Variants in VWA8 observed in about 807,000 individuals in gnomAD.
VWA8 encodes von Willebrand factor A domain containing 8.
A neutral mutation model predicts 241.5 loss-of-function variants in VWA8; 221 were observed. That is an observed-to-expected ratio of 0.91 (90% CI 0.82 to 1.02). The LOEUF (loss-of-function observed/expected upper bound fraction) is 1.02, where lower values mean the gene tolerates loss of function less well. Among genes scored for constraint, VWA8 ranks in the 50% least tolerant of loss-of-function variants. VWA8 has a pLI of 0.00. For missense variants in VWA8, 2,322 were observed against 2,328.7 expected (o/e 1.00, Z 0.06); for synonymous variants, 852 against 827.1 (o/e 1.03, Z -0.52).
chr13:41,861,154 T>C (rs181096071), intron 12 of VWA8, among the ~76,000 whole-genome samples: 39 of 152,124 alleles, frequency 2.6e-4, no homozygotes, highest in African/African-American at 8.2e-4. Context: ...GAGGTTGCCG[T>C]GAGCCGAGAC....
At position 41,719,292 on chromosome 13, in the gene VWA8, C is replaced by G. The variant is rs571933205; in HGVS notation, c.3116+299G>C. ...GTACAATGATGTGCACTGGATTATA[C>G]GAAATAGTAATACGCATAGTAATTC... On this transcript the variant is annotated intron_variant, in intron 26 of 44. Coordinates refer to ENST00000379310, the MANE Select transcript of VWA8 (RefSeq NM_015058.2). 16 of 1,100,922 alleles carry G rather than the reference C, an allele frequency of 1.5e-5. No homozygotes were observed. In the South Asian group the frequency reaches 3.5e-4, roughly 24 times the overall value. 68.2% of individuals were successfully genotyped at this position (1,100,922 alleles called of 1,614,324 possible).
At chr13:41,759,742 T>G (rs2045726274) in intron 21 of VWA8, among the ~76,000 whole-genome samples, 1 of 151,788 alleles carries the variant, frequency 6.6e-6, no homozygotes, top group Admixed American at 6.6e-5. Flanking sequence ...TCCTGCTTTT[T>G]TTGTATGTCT....
chr13:41,826,726 A>C (rs1871184506), intron 14 of VWA8, among the ~76,000 whole-genome samples: 1 of 151,976 alleles, frequency 6.6e-6, no homozygotes, highest in African/African-American at 2.4e-5. Context: ...AAAACAAAAC[A>C]AAACGGGTGT....
chr13:41,664,249 A>G (rs187578666), intron 37 of VWA8, among the ~76,000 whole-genome samples: 159 of 152,138 alleles, frequency 1.0e-3, no homozygotes, highest in African/African-American at 3.6e-3. Context: ...TTAGTTTCCA[A>G]TGCTGCTTTG....
intron 37 of VWA8, among the ~76,000 whole-genome samples, chr13:41,623,392 G>A (rs2044669715): frequency 6.6e-6 from 1 of 152,128 alleles, no homozygotes; most frequent in Non-Finnish European, 1.5e-5. Flanking sequence ...AATAATACAT[G>A]TCCTTATAGT....
chr13:41,738,815 A>T (rs1337592146), intron 21 of VWA8, among the ~76,000 whole-genome samples: 1 of 152,186 alleles, frequency 6.6e-6, no homozygotes, highest in African/African-American at 2.4e-5. Flanking sequence ...TTGAAAAAAA[A>T]TGGAAGAATG....
intron 34 of VWA8, 38 bp downstream of exon 34, chr13:41,689,316 G>A: frequency 2.5e-6 from 4 of 1,586,214 alleles, no homozygotes; most frequent in Non-Finnish European, 3.4e-6. Flanking sequence ...CTAAGGGAAA[G>A]AAACATTTAT....
chr13:41,692,245 C>A (rs1349365950), intron 30 of VWA8, among the ~76,000 whole-genome samples: 1 of 152,010 alleles, frequency 6.6e-6, no homozygotes, highest in Non-Finnish European at 1.5e-5. Flanking sequence ...AAAATAAACA[C>A]ATGGGAAACA....
intron 37 of VWA8, among the ~76,000 whole-genome samples, chr13:41,635,516 T>G (rs1039559400): frequency 1.3e-5 from 2 of 152,376 alleles, no homozygotes; most frequent in East Asian, 3.9e-4. Context: ...CCGGTTAGTC[T>G]GCACACCTGC....
intron 42 of VWA8, 151 bp downstream of exon 42, chr13:41,587,361 T>G (rs893886198): frequency 7.0e-5 from 68 of 964,746 alleles, no homozygotes; most frequent in Non-Finnish European, 9.7e-5. Context: ...CAATTACTAC[T>G]TCAGATAAAA....
chr13:41,717,917 A>G (rs2045357875), intron 26 of VWA8, among the ~76,000 whole-genome samples: 1 of 152,052 alleles, frequency 6.6e-6, no homozygotes, highest in African/African-American at 2.4e-5. Flanking sequence ...CCAGGCTCAA[A>G]GTACTTCTGC....
chr13:41,807,647 A>G (rs1002383114), intron 17 of VWA8: 1 of 152,246 alleles, frequency 6.6e-6, no homozygotes, highest in African/African-American at 2.4e-5. Context: ...ACATCCCTTC[A>G]TGATGAAAAC....
intron 16 of VWA8, among the ~76,000 whole-genome samples, chr13:41,812,816 G>T (rs1270741285): frequency 2.0e-5 from 3 of 152,012 alleles, no homozygotes; most frequent in Non-Finnish European, 4.4e-5. Context: ...AGCAGACATT[G>T]GTCCATTCTT....
At chr13:41,635,841 A>C (rs1257277384) in intron 37 of VWA8, among the ~76,000 whole-genome samples, 1 of 152,130 alleles carries the variant, frequency 6.6e-6, no homozygotes, top group Non-Finnish European at 1.5e-5. Flanking sequence ...ACAGCGCAGG[A>C]GGGTGGAGAT....
At chr13:41,636,262 A>G (rs2044755845) in intron 37 of VWA8, among the ~76,000 whole-genome samples, 1 of 152,208 alleles carries the variant, frequency 6.6e-6, no homozygotes. Flanking sequence ...GAGGCCTCAG[A>G]AATAATGCTG....
At chr13:41,700,203 CATTT>C (rs1186775364) in intron 28 of VWA8, among the ~76,000 whole-genome samples, 1 of 152,088 alleles carries the variant, frequency 6.6e-6, no homozygotes, top group Non-Finnish European at 1.5e-5. Flanking sequence ...TAAGATACGT[CATTT>C]AAATTTGGGA....
At chr13:41,869,036 A>C (rs1316326267) in intron 9 of VWA8, among the ~76,000 whole-genome samples, 3 of 152,160 alleles carry the variant, frequency 2.0e-5, no homozygotes, top group Non-Finnish European at 4.4e-5. Context: ...AAATGACAAG[A>C]AATGGAATCA....
rs1478480933 is a variant in VWA8 at position 41,571,357 on chromosome 13, C to G, written c.5371-651G>C. ...CCCTCTCCCTCTCCCGTCTCCCTCT[C>G]CCTCTCCCCGGTCTCCCTCTGATGC... On this transcript the variant is annotated intron_variant, in intron 43 of 44. Transcript: ENST00000379310. Among the ~76,000 whole-genome samples the G allele has an allele frequency of 5.4e-5, 8 of 149,250 alleles. 1 individual carries two copies. The highest frequency in any genetic ancestry group is 1.2e-4 in the Non-Finnish European group (8 of 66,948).
intron 15 of VWA8, among the ~76,000 whole-genome samples, chr13:41,817,044 A>G (rs947727180): frequency 1.3e-5 from 2 of 152,216 alleles, no homozygotes; most frequent in African/African-American, 4.8e-5. Context: ...ATAAAACTGA[A>G]GGGAGCCTTT....
Sources: gnomAD v4.1 joint callset for allele counts (sites outside exome capture counted in the v4.1 genomes callset) on GRCh38, gnomAD v4.1.1 for gene constraint, MANE v1.5 for transcripts, NCBI Gene and HGNC (gene_info 2026-07-23, HGNC 2026-07-21) for gene names.